Variants in MTA1 observed in about 807,000 individuals in gnomAD.
MTA1 encodes the protein metastasis-associated protein MTA1.
Under a neutral mutation model 97.0 loss-of-function variants are expected in MTA1, and 15 were observed. The ratio of observed to expected loss-of-function variants is 0.15; its 90% CI spans 0.10 to 0.24. The LOEUF is 0.24. Ranked by LOEUF, MTA1 falls within the 10% of genes least tolerant of loss-of-function variation. MTA1 has a pLI of 1.00. For missense variants in MTA1, 709 were observed against 1,015.1 expected, an observed-to-expected ratio of 0.70 and a Z score of 4.10; for synonymous variants, 435 against 417.5, an observed-to-expected ratio of 1.04 and a Z score of -0.51.
At chr14:105,461,064 C>T (rs2141656316) in intron 10 of MTA1, 111 bp downstream of exon 10, 1 of 1,120,850 alleles carries the variant, frequency 8.9e-7, no homozygotes, top group African/African-American at 1.6e-5. Flanking sequence ...CTGTCCTGCA[C>T]CCTGATTCCC....
At chr14:105,432,990 C>T (rs1387250685) in intron 1 of MTA1, among the ~76,000 whole-genome samples, 6 of 152,250 alleles carry the variant, frequency 3.9e-5, no homozygotes, top group African/African-American at 1.2e-4. Context: ...TGGACTGTAG[C>T]GTAACCCCGT....
chr14:105,465,249 T>A (rs2083522193), intron 16 of MTA1, 66 bp downstream of exon 16: 15 of 1,332,508 alleles, frequency 1.1e-5, no homozygotes, highest in Non-Finnish European at 1.5e-5. Context: ...CCCAAGCTCA[T>A]GCACTGGTGC....
chr14:105,431,102 C>T (rs1278858412), intron 1 of MTA1, among the ~76,000 whole-genome samples: 1 of 152,252 alleles, frequency 6.6e-6, no homozygotes, highest in Non-Finnish European at 1.5e-5. Flanking sequence ...AATTTTGACA[C>T]TGCTTACCTG....
At position 105,466,426 on chromosome 14, in the gene MTA1, A is replaced by AGGGGGGGGGGGGGGGGGGGGGGG; in HGVS notation, c.1626_1627insGGGGGGGGGGGGGGGGGGGGGGG (p.Thr543GlyfsTer19). ...GTTCTGCCTGTGTCATTCCCGGCAG[A>AGGGGGGGGGGGGGGGGGGGGGGG]GACCCACCCCCGCCCCCCCAAGCCT... On this transcript the variant is annotated frameshift_variant and splice_region_variant, in exon 17 of 21. Transcript: ENST00000331320. LOFTEE classifies it high-confidence loss of function. 1.3e-6 allele frequency: 2 copies of AGGGGGGGGGGGGGGGGGGGGGGG among 1,484,222 alleles called. No homozygotes were observed. The highest frequency in any genetic ancestry group is 9.3e-7 in the Non-Finnish European group (1 of 1,071,324). The allele number at this position is 1,484,222 out of a possible 1,614,324, so 91.9% of individuals were successfully genotyped here. A position where few individuals can be genotyped will look rare whatever the true frequency, so the allele number is the denominator to read the frequency against.
At chr14:105,427,487 G>A (rs782359828) in intron 1 of MTA1, among the ~76,000 whole-genome samples, 2 of 152,196 alleles carry the variant, frequency 1.3e-5, no homozygotes, top group African/African-American at 2.4e-5. Flanking sequence ...TCTGCCCCAC[G>A]TGAGTTCAGT....
chr14:105,425,932 G>T (rs966238810), intron 1 of MTA1, among the ~76,000 whole-genome samples: 2 of 151,908 alleles, frequency 1.3e-5, no homozygotes, highest in Non-Finnish European at 2.9e-5. Context: ...GCCATGCAGC[G>T]CACCTGAGGG....
intron 7 of MTA1, among the ~76,000 whole-genome samples, chr14:105,457,586 G>A (rs952774533): frequency 4.6e-5 from 7 of 152,244 alleles, no homozygotes; most frequent in African/African-American, 1.2e-4. Flanking sequence ...CTGCTGTGAC[G>A]TGGCAGGGCC....
intron 18 of MTA1, among the ~76,000 whole-genome samples, chr14:105,468,678 T>C (rs1312097783): frequency 7.9e-5 from 12 of 152,184 alleles, no homozygotes; most frequent in African/African-American, 2.4e-4. Flanking sequence ...CCCTGGGCCC[T>C]GGCACCTGAC....
chr14:105,450,484 T>C (rs1165401165), intron 6 of MTA1, among the ~76,000 whole-genome samples, 160 bp downstream of exon 6: 1 of 152,198 alleles, frequency 6.6e-6, no homozygotes, highest in Non-Finnish European at 1.5e-5. Context: ...GACTGTCACT[T>C]CCAGGTGTCC....
chr14:105,448,844 C>T (rs1439886195), intron 3 of MTA1, among the ~76,000 whole-genome samples: 2 of 152,274 alleles, frequency 1.3e-5, no homozygotes, highest in African/African-American at 2.4e-5. Flanking sequence ...GCTGTGGTCC[C>T]ATCTGGGGAC....
chr14:105,438,260 TG>T (rs1261920914), intron 1 of MTA1, among the ~76,000 whole-genome samples: 2 of 152,130 alleles, frequency 1.3e-5, no homozygotes, highest in African/African-American at 4.8e-5. Flanking sequence ...GGCTGGCTGC[TG>T]CCAGTGGGAA....
intron 1 of MTA1, among the ~76,000 whole-genome samples, chr14:105,438,405 G>A (rs1257617598): frequency 2.6e-5 from 4 of 152,192 alleles, no homozygotes; most frequent in East Asian, 3.9e-4. Flanking sequence ...GTGAGGATCC[G>A]GGATGGGGGC....
In MTA1 at chr14:105,470,221, G is replaced by A. The variant is rs782064575; in HGVS notation, c.*6G>A. The A allele has an allele frequency of 1.1e-5, 17 of 1,548,364 alleles. No homozygotes were observed. The highest frequency in any genetic ancestry group is 8.3e-5 in the African/African-American group (6 of 72,696). Reference sequence around the variant, plus strand: ...CCATCGTCATCGAGGACTAGGGGCCGCCCCCACCTGCGGCCGCCCCCCGCC... The same window carrying A: ...CCATCGTCATCGAGGACTAGGGGCCACCCCCACCTGCGGCCGCCCCCCGCC... On this transcript the variant is annotated 3_prime_UTR_variant, in exon 21 of 21. Transcript: ENST00000331320.
chr14:105,466,348 G>A (rs782251830), intron 16 of MTA1, 78 bp from the exon 17 acceptor site: 38 of 1,335,684 alleles, frequency 2.8e-5, no homozygotes, highest in Non-Finnish European at 3.7e-5. Context: ...CCGGAACCAT[G>A]AGGGCTGGAG....
chr14:105,445,546 G>T, intron 3 of MTA1, 35 bp downstream of exon 3: 2 of 1,609,614 alleles, frequency 1.2e-6, no homozygotes, highest in South Asian at 1.1e-5. Context: ...CCCGCCTGGC[G>T]GGAGGGTCGG....
chr14:105,425,302 C>T (rs782794271), intron 1 of MTA1, among the ~76,000 whole-genome samples: 11 of 151,998 alleles, frequency 7.2e-5, no homozygotes, highest in Non-Finnish European at 1.6e-4. Context: ...TTTTTTGAGA[C>T]AGGGTCTCCT....
chr14:105,446,783 G>A (rs782792743), intron 3 of MTA1, among the ~76,000 whole-genome samples: 11 of 152,218 alleles, frequency 7.2e-5, no homozygotes, highest in African/African-American at 1.2e-4. Context: ...CCGGGCCCCC[G>A]AGCCTGGGTC....
In MTA1 at chr14:105,466,427, G is replaced by GGGGC; in HGVS notation, c.1626_1627insGGGC (p.Thr543GlyfsTer10). 2.5e-6 allele frequency: 4 copies of GGGGC among 1,592,094 alleles called. No individual in the cohort carries two copies. The highest frequency in any genetic ancestry group is 2.3e-5 in the East Asian group (1 of 44,078). ...TTCTGCCTGTGTCATTCCCGGCAGA[G>GGGGC]ACCCACCCCCGCCCCCCCAAGCCTG... is the stretch of plus-strand genomic sequence containing the variant. On this transcript the variant is annotated frameshift_variant and splice_region_variant, in exon 17 of 21. Coordinates refer to ENST00000331320, the MANE Select transcript of MTA1 (RefSeq NM_004689.4). LOFTEE classifies it high-confidence loss of function.
chr14:105,469,616 C>A, intron 19 of MTA1, 118 bp downstream of exon 19: 3 of 1,323,830 alleles, frequency 2.3e-6, no homozygotes, highest in Non-Finnish European at 3.2e-6. Context: ...GGAGGCCTGG[C>A]AAGACCAGAG....
Sources: gnomAD v4.1 joint callset for allele counts (sites outside exome capture counted in the v4.1 genomes callset) on GRCh38, gnomAD v4.1.1 for gene constraint, MANE v1.5 for transcripts, NCBI Gene and HGNC (gene_info 2026-07-23, HGNC 2026-07-21) for gene names.